SAMD4A: variants seen among roughly 807,000 people sequenced by gnomAD.
The protein encoded by SAMD4A is sterile alpha motif domain containing 4A.
Under a neutral mutation model 81.3 loss-of-function variants are expected in SAMD4A, and 33 were observed. That is an observed-to-expected ratio of 0.41 (90% CI 0.31 to 0.54). The LOEUF (loss-of-function observed/expected upper bound fraction) is 0.54. Ranked by LOEUF, SAMD4A falls within the 20% of genes least tolerant of loss-of-function variation. SAMD4A has a pLI of 0.37. For synonymous variants in SAMD4A, 389 were observed against 382.1 expected (o/e 1.02, Z -0.21); for missense variants, 854 against 951.1 (o/e 0.90, Z 1.34).
chr14:54,695,668 G>A (rs1268927697), intron 2 of SAMD4A, among the ~76,000 whole-genome samples: 1 of 152,110 alleles, frequency 6.6e-6, no homozygotes, highest in East Asian at 1.9e-4. Flanking sequence ...TAGGGGGAGG[G>A]TTAGGGCCGG....
chr14:54,590,864 T>C (rs1299388603), intron 2 of SAMD4A, among the ~76,000 whole-genome samples: 1 of 152,230 alleles, frequency 6.6e-6, no homozygotes, highest in Non-Finnish European at 1.5e-5. Flanking sequence ...TCAAGGGTGC[T>C]TTTATTATAG....
At chr14:54,690,454 T>G (rs17127765) in intron 2 of SAMD4A, among the ~76,000 whole-genome samples, 11,676 of 151,878 alleles carry the variant, frequency 0.077, 902 homozygotes, top group African/African-American at 0.2. Flanking sequence ...CCAAATAATG[T>G]GTTGAGTCCT....
At chr14:54,675,366 CCAA>C (rs1417971193) in intron 2 of SAMD4A, among the ~76,000 whole-genome samples, 7 of 22,174 alleles carry the variant, frequency 3.2e-4, no homozygotes, top group African/African-American at 5.2e-4. Context: ...AACTCCGTCT[CCAA>C]AAAAAAAAAA....
At chr14:54,602,321 AATACAC>A (rs1435181766) in intron 2 of SAMD4A, among the ~76,000 whole-genome samples, 1 of 110,896 alleles carries the variant, frequency 9.0e-6, no homozygotes, top group African/African-American at 3.5e-5. Context: ...ACTGCTTTAA[AATACAC>A]ACACACACAC....
chr14:54,730,759 T>G (rs2037542007), intron 3 of SAMD4A, among the ~76,000 whole-genome samples: 5 of 152,244 alleles, frequency 3.3e-5, no homozygotes, highest in Admixed American at 3.3e-4. Context: ...TTATTTTTTT[T>G]GTTGTTTGTT....
rs1555342987 is a variant in SAMD4A, at chr14:54,684,617, C to CACCG, written c.197-17445_197-17444insACCG. 2.2e-5 allele frequency among the ~76,000 whole-genome samples: 3 copies of CACCG among 134,286 alleles called. No homozygotes were observed. The South Asian group carries it at 8.0e-4, about 36-fold the overall frequency. 88.1% of individuals were successfully genotyped at this position (134,286 alleles called of 152,430 possible). A position where few individuals can be genotyped will look rare whatever the true frequency, so the allele number is the denominator to read the frequency against. On this transcript the variant is annotated intron_variant, in intron 2 of 12. Transcript: ENST00000554335. Reference sequence around the variant, plus strand: ...TCCATTGGCCAGACACCCCCGCCCCCCCCCCCAACCAGAAACGGGAAACCT... The same window carrying CACCG: ...TCCATTGGCCAGACACCCCCGCCCCCACCGCCCCCCAACCAGAAACGGGAAACCT...
chr14:54,725,928 G>A (rs182649177), intron 3 of SAMD4A, among the ~76,000 whole-genome samples: 61 of 152,286 alleles, frequency 4.0e-4, no homozygotes, highest in African/African-American at 1.4e-3. Context: ...CAAGAGCTGC[G>A]TATGTAGTTA....
intron 9 of SAMD4A, among the ~76,000 whole-genome samples, chr14:54,771,768 T>TG (rs2139917600): frequency 6.6e-6 from 1 of 152,204 alleles, no homozygotes; most frequent in Admixed American, 6.5e-5. Context: ...GAAGAAGGCA[T>TG]TCGGAGGTTG....
chr14:54,632,099 A>G (rs1274650904), intron 2 of SAMD4A, among the ~76,000 whole-genome samples: 2 of 152,192 alleles, frequency 1.3e-5, no homozygotes, highest in African/African-American at 4.8e-5. Flanking sequence ...ATAAACATGC[A>G]TTGCCTTCCC....
At chr14:54,642,591 A>G (rs2035198964) in intron 2 of SAMD4A, among the ~76,000 whole-genome samples, 1 of 152,122 alleles carries the variant, frequency 6.6e-6, no homozygotes, top group South Asian at 2.1e-4. Flanking sequence ...CTATCCATTC[A>G]TGTACTGATT....
At chr14:54,706,280 CAAAAA>C (rs112193724) in intron 3 of SAMD4A, among the ~76,000 whole-genome samples, 1 of 110,436 alleles carries the variant, frequency 9.1e-6, no homozygotes. Context: ...GACTTAGTCT[CAAAAA>C]AAAAAAAAAA....
chr14:54,784,703 C>A, intron 12 of SAMD4A, 83 bp downstream of exon 12: 1 of 1,210,728 alleles, frequency 8.3e-7, no homozygotes, highest in Non-Finnish European at 1.2e-6. Flanking sequence ...TATACCGTGG[C>A]AGGAGCTCAG....
intron 11 of SAMD4A, among the ~76,000 whole-genome samples, chr14:54,780,445 G>A (rs2038971295): frequency 6.6e-6 from 1 of 152,174 alleles, no homozygotes; most frequent in Admixed American, 6.5e-5. Context: ...AGAAAGAATA[G>A]AGAGTTATTG....
chr14:54,599,856 C>CA (rs149356584), intron 2 of SAMD4A, among the ~76,000 whole-genome samples: 1,869 of 152,326 alleles, frequency 0.012, 50 homozygotes, highest in African/African-American at 0.043. Context: ...ATTGGGTAGA[C>CA]ATCCTCTTAA....
chr14:54,596,200 G>T (rs1371906048), intron 2 of SAMD4A, among the ~76,000 whole-genome samples: 1 of 152,200 alleles, frequency 6.6e-6, no homozygotes, highest in African/African-American at 2.4e-5. Flanking sequence ...TAACAAAGAT[G>T]TAGGCAGGAT....
chr14:54,650,932 G>A (rs2035390329), intron 2 of SAMD4A, among the ~76,000 whole-genome samples: 1 of 152,188 alleles, frequency 6.6e-6, no homozygotes, highest in Admixed American at 6.5e-5. Context: ...CTGAGGTCGT[G>A]AAAGGTCAGA....
intron 3 of SAMD4A, among the ~76,000 whole-genome samples, chr14:54,717,445 A>C (rs1351255980): frequency 6.6e-6 from 1 of 151,674 alleles, no homozygotes; most frequent in Non-Finnish European, 1.5e-5. Flanking sequence ...TGTCTCAAAA[A>C]AAAAAAAAAA....
chr14:54,766,911 A>T (rs2038560266), intron 8 of SAMD4A, among the ~76,000 whole-genome samples: 1 of 152,006 alleles, frequency 6.6e-6, no homozygotes, highest in Non-Finnish European at 1.5e-5. Flanking sequence ...GCCATCCTGC[A>T]TGTCCTCCCT....
intron 2 of SAMD4A, chr14:54,685,586 G>A: frequency 2.3e-6 from 1 of 426,000 alleles, no homozygotes; most frequent in South Asian, 1.6e-5. Context: ...CTTGTTCGTA[G>A]ATTTTTTTTC....
Sources: gnomAD v4.1 joint callset for allele counts (sites outside exome capture counted in the v4.1 genomes callset) on GRCh38, gnomAD v4.1.1 for gene constraint, MANE v1.5 for transcripts, NCBI Gene and HGNC (gene_info 2026-07-23, HGNC 2026-07-21) for gene names.